FEM1C: variants seen among roughly 807,000 people sequenced by gnomAD.
FEM1C encodes the protein protein fem-1 homolog C.
A neutral mutation model predicts 37.6 loss-of-function variants in FEM1C; 15 were observed. That is an observed-to-expected ratio of 0.40 (90% CI 0.27 to 0.61). The LOEUF (loss-of-function observed/expected upper bound fraction) is 0.61, where lower values mean the gene tolerates loss of function less well. Ranked by LOEUF, FEM1C falls within the 20% of genes least tolerant of loss-of-function variation. FEM1C has a pLI of 0.42. For synonymous variants in FEM1C, 287 were observed against 272.8 expected, an observed-to-expected ratio of 1.05 and a Z score of -0.51; for missense variants, 532 against 749.7, an observed-to-expected ratio of 0.71 and a Z score of 3.39.
intron 2 of FEM1C, among the ~76,000 whole-genome samples, chr5:115,527,746 T>TC (rs1753924856): frequency 6.6e-6 from 1 of 152,064 alleles, no homozygotes; most frequent in Non-Finnish European, 1.5e-5. Flanking sequence ...CTCACGCCTG[T>TC]AATCCCAGCA....
chr5:115,525,766 T>C (rs1753877947), intron 2 of FEM1C, 149 bp from the exon 3 acceptor site: 3 of 585,538 alleles, frequency 5.1e-6, no homozygotes, highest in South Asian at 6.1e-5. Context: ...GAAAAAAAAA[T>C]TCCCCCAGTA....
chr5:115,524,653 A>T lies in FEM1C; in HGVS notation c.1509T>A (p.Cys503Ter). Residue 503 changes from cysteine to a stop codon, truncating the protein, a stop_gained, in exon 3 of 3, where the codon TGT becomes TGA. Coordinates refer to ENST00000274457, the MANE Select transcript of FEM1C (RefSeq NM_020177.3). LOFTEE classifies it high-confidence loss of function. ...NTTCVGRYPV[C>*]KFPSLQVTAI... The stretch of plus-strand genomic sequence containing the variant: ...CAGTAACTTGTAGAGATGGAAATTT[A>T]CAAACAGGGTACCGCCCTACACATG... The T allele has an allele frequency of 6.4e-7, 1 of 1,571,188 alleles. No individual in the cohort carries two copies. Among genetic ancestry groups the T allele is most frequent in the Non-Finnish European group, 8.6e-7 (1 of 1,161,492 alleles).
chr5:115,534,007 C>T (rs1025041347), intron 2 of FEM1C, among the ~76,000 whole-genome samples: 12 of 151,760 alleles, frequency 7.9e-5, no homozygotes, highest in Non-Finnish European at 1.3e-4. Flanking sequence ...CTTAGAAATC[C>T]GGTTAGTGGC....
chr5:115,539,477 C>G (rs1287659579), intron 2 of FEM1C, among the ~76,000 whole-genome samples: 2 of 152,066 alleles, frequency 1.3e-5, no homozygotes, highest in Admixed American at 1.3e-4. Context: ...TAGGAACCAA[C>G]TCCCGTCTCA....
chr5:115,527,975 T>C (rs1209301857), intron 2 of FEM1C, among the ~76,000 whole-genome samples: 2 of 124,318 alleles, frequency 1.6e-5, no homozygotes, highest in African/African-American at 6.3e-5. Context: ...CACTCCAGCC[T>C]GGTGACAAAG....
Position 115,524,392 on chromosome 5 carries a change from A to G in FEM1C, c.1770T>C (p.Ala590=). The part of the protein sequence containing the change: ...PINHTTLQCL[A]ARVIVNHRIY... ...TTCTATGATTCACTATGACACGAGC[A>G]GCAAGACACTGCAATGTGGTATGAT... The change falls in exon 3 of 3, where the codon GCT becomes GCC. Residue 590 remains alanine, a synonymous_variant. Coordinates refer to ENST00000274457, the MANE Select transcript of FEM1C (RefSeq NM_020177.3). 1.2e-6 allele frequency: 2 copies of G among 1,613,576 alleles called. No individual in the cohort carries two copies. The highest frequency in any genetic ancestry group is 1.7e-6 in the Non-Finnish European group (2 of 1,179,700).
Position 115,524,198 on chromosome 5 carries a change from CAAT to C in FEM1C, c.*107_*109del. 1 of 842,324 alleles carries C rather than the reference CAAT, an allele frequency of 1.2e-6. No homozygotes were observed. Among genetic ancestry groups the C allele is most frequent in the South Asian group, 1.7e-5 (1 of 58,336 alleles). The allele number at this position is 842,324 out of a possible 1,614,324, so 52.2% of individuals were successfully genotyped here. A position where few individuals can be genotyped will look rare whatever the true frequency, so the allele number is the denominator to read the frequency against. ...TATAATGCTTTAGCCAATGAGAGCA[CAAT>C]GATATCAATCAAGCTAAATGAATGC... On this transcript the variant is annotated 3_prime_UTR_variant, in exon 3 of 3. Coordinates refer to ENST00000274457, the MANE Select transcript of FEM1C (RefSeq NM_020177.3).
chr5:115,532,488 G>A (rs957485130), intron 2 of FEM1C, among the ~76,000 whole-genome samples: 1 of 151,294 alleles, frequency 6.6e-6, no homozygotes, highest in Non-Finnish European at 1.5e-5. Context: ...CTAAAGGTAA[G>A]TTTTTTAATT....
intron 2 of FEM1C, among the ~76,000 whole-genome samples, chr5:115,532,710 T>G (rs1754042421): frequency 6.6e-6 from 1 of 152,114 alleles, no homozygotes; most frequent in Non-Finnish European, 1.5e-5. Context: ...GTCTGCATAG[T>G]TTCTGTAACT....
At chr5:115,525,731 T>A in intron 2 of FEM1C, 114 bp from the exon 3 acceptor site, 1 of 787,426 alleles carries the variant, frequency 1.3e-6, no homozygotes, top group Non-Finnish European at 1.9e-6. Context: ...AGTTCCTAAG[T>A]AGGACATACT....
intron 2 of FEM1C, among the ~76,000 whole-genome samples, chr5:115,533,863 A>G (rs932615187): frequency 6.7e-6 from 1 of 150,026 alleles, no homozygotes; most frequent in Non-Finnish European, 1.5e-5. Flanking sequence ...AAAGAAAAAC[A>G]TATTATATTA....
intron 2 of FEM1C, among the ~76,000 whole-genome samples, chr5:115,533,042 A>C (rs1175883018): frequency 2.6e-5 from 4 of 152,062 alleles, no homozygotes; most frequent in African/African-American, 9.7e-5. Context: ...CATGTAAATA[A>C]GTCAATAAAC....
chr5:115,536,868 T>C (rs913920708), intron 2 of FEM1C, among the ~76,000 whole-genome samples: 6 of 152,034 alleles, frequency 3.9e-5, no homozygotes, highest in African/African-American at 1.2e-4. Context: ...AGAGGTAAGA[T>C]GCATTCTTAT....
At chr5:115,544,221 C>T in intron 1 of FEM1C, 1 of 976,982 alleles carries the variant, frequency 1.0e-6, no homozygotes. Context: ...ATCCGCCTGC[C>T]TTTTAGTCAT....
chr5:115,532,961 CT>C (rs1318960884), intron 2 of FEM1C, among the ~76,000 whole-genome samples: 3 of 152,070 alleles, frequency 2.0e-5, no homozygotes, highest in African/African-American at 7.2e-5. Context: ...TTGTTCTTAC[CT>C]TTAATAAATG....
At chr5:115,534,271 T>C (rs1754076303) in intron 2 of FEM1C, among the ~76,000 whole-genome samples, 1 of 151,980 alleles carries the variant, frequency 6.6e-6, no homozygotes, top group Non-Finnish European at 1.5e-5. Flanking sequence ...TTCACTGCTG[T>C]TAATTTTAAA....
chr5:115,530,611 C>A (rs969802484), intron 2 of FEM1C, among the ~76,000 whole-genome samples: 16 of 152,086 alleles, frequency 1.1e-4, no homozygotes, highest in African/African-American at 3.9e-4. Flanking sequence ...AAATACTGAC[C>A]ATATTCTTGG....
chr5:115,535,453 A>C (rs1008230589), intron 2 of FEM1C, among the ~76,000 whole-genome samples: 1 of 151,976 alleles, frequency 6.6e-6, no homozygotes. Context: ...AAGAAAATAG[A>C]GACAGAGAGA....
chr5:115,528,122 G>C (rs1033752726), intron 2 of FEM1C, among the ~76,000 whole-genome samples: 1 of 149,988 alleles, frequency 6.7e-6, no homozygotes, highest in Admixed American at 6.6e-5. Context: ...AAAAAAAGTA[G>C]CTTTAAAAAA....
Sources: allele counts gnomAD v4.1 joint callset (sites outside exome capture counted in the v4.1 genomes callset), GRCh38; gene constraint gnomAD v4.1.1; transcripts MANE v1.5; gene names NCBI Gene and HGNC (gene_info 2026-07-23, HGNC 2026-07-21).